The following ECT2 variants were observed in gnomAD, a reference collection of about 807,000 sequenced individuals.
The protein encoded by ECT2 is protein ECT2.
ECT2 carries 61 observed loss-of-function variants against 116.9 expected under a neutral mutation model. The ratio of observed to expected loss-of-function variants is 0.52; its 90% confidence interval spans 0.42 to 0.65. ECT2 has a LOEUF of 0.65. Among genes scored for constraint, ECT2 ranks in the 30% least tolerant of loss-of-function variants. The pLI is 0.00. For synonymous variants in ECT2, 358 were observed against 346.4 expected (o/e 1.03, Z -0.37); for missense variants, 937 against 1,078.7 (o/e 0.87, Z 1.84).
At chr3:172,796,376 C>T (rs533397761) in intron 18 of ECT2, 3 of 152,306 alleles carry the variant, frequency 2.0e-5, no homozygotes, top group South Asian at 4.1e-4. Flanking sequence ...TCTATGTTTA[C>T]AACGAGTTTT....
chr3:172,811,569 T>C (rs1728771148), intron 22 of ECT2, among the ~76,000 whole-genome samples: 1 of 152,134 alleles, frequency 6.6e-6, no homozygotes, highest in Non-Finnish European at 1.5e-5. Context: ...CATTTTTAGT[T>C]CATTGATGGT....
chr3:172,756,925 C>G (rs1388131941), intron 4 of ECT2, 58 bp from the exon 5 acceptor site: 4 of 1,393,762 alleles, frequency 2.9e-6, no homozygotes, highest in Non-Finnish European at 3.9e-6. Flanking sequence ...TTTAGAGAGA[C>G]AGATGGATTA....
chr3:172,781,159 A>C (rs1022508047), intron 14 of ECT2, among the ~76,000 whole-genome samples: 1 of 152,202 alleles, frequency 6.6e-6, no homozygotes, highest in African/African-American at 2.4e-5. Context: ...ATAATAGCTC[A>C]TTACATGGTA....
intron 22 of ECT2, among the ~76,000 whole-genome samples, chr3:172,813,746 C>T (rs574276028): frequency 1.3e-4 from 20 of 152,084 alleles, no homozygotes; most frequent in Non-Finnish European, 2.2e-4. Context: ...CCCATTACTG[C>T]ACTCTAAATG....
chr3:172,768,517 T>G (rs1719968588), intron 12 of ECT2, among the ~76,000 whole-genome samples: 1 of 152,226 alleles, frequency 6.6e-6, no homozygotes, highest in African/African-American at 2.4e-5. Flanking sequence ...TAGAGACATA[T>G]TTCTTAAATA....
chr3:172,799,019 A>G (rs971516261), intron 18 of ECT2, among the ~76,000 whole-genome samples: 2 of 152,322 alleles, frequency 1.3e-5, no homozygotes, highest in South Asian at 2.1e-4. Flanking sequence ...TCCTAGCCTC[A>G]AGAGGTTTTA....
chr3:172,811,256 C>G (rs1033874083), intron 22 of ECT2, among the ~76,000 whole-genome samples: 28 of 152,210 alleles, frequency 1.8e-4, no homozygotes, highest in African/African-American at 6.3e-4. Flanking sequence ...GAATGAATAA[C>G]AAATAAACCT....
In ECT2 at chr3:172,762,992, C is replaced by T; in HGVS notation, c.1068+20C>T. ...GAAAAGGTATGCTTTTAACCCCTTACTTATTTGTTCTGTGAGCTTGATTGT... is the reference window on the plus strand; with the variant it reads ...GAAAAGGTATGCTTTTAACCCCTTATTTATTTGTTCTGTGAGCTTGATTGT... On this transcript the variant is annotated intron_variant, in intron 11 of 24. Transcript: ENST00000392692. 4.3e-6 allele frequency: 7 copies of T among 1,610,526 alleles called. 1 individual carries two copies. Among genetic ancestry groups the T allele is most frequent in the South Asian group, 2.2e-5 (2 of 90,736 alleles).
chr3:172,815,907 C>T (rs1405791996), intron 23 of ECT2, among the ~76,000 whole-genome samples, 196 bp downstream of exon 23: 6 of 152,122 alleles, frequency 3.9e-5, no homozygotes, highest in Admixed American at 3.9e-4. Flanking sequence ...CTTGTTATCC[C>T]TCCCGTTACT....
rs57375749 is a variant in ECT2 at position 172,782,323 on chromosome 3, G to A, written c.1617+92G>A. ...GTGTAATTTGCCTATTTAAATGTGAGAGGTTTTAAAACTTTGATATGATTG... is the reference window on the plus strand; with the variant it reads ...GTGTAATTTGCCTATTTAAATGTGAAAGGTTTTAAAACTTTGATATGATTG... On this transcript the variant is annotated intron_variant, in intron 15 of 24. Transcript: ENST00000392692. 1,281 of 626,948 alleles carry A rather than the reference G, an allele frequency of 2.0e-3. 9 individuals carry two copies. The East Asian group carries it at 0.022, about 11-fold the overall frequency. The allele number at this position is 626,948 out of a possible 1,614,324, so 38.8% of individuals were successfully genotyped here. A position where few individuals can be genotyped will look rare whatever the true frequency, so the allele number is the denominator to read the frequency against.
intron 17 of ECT2, among the ~76,000 whole-genome samples, chr3:172,785,413 C>A (rs1723434489): frequency 6.6e-6 from 1 of 150,776 alleles, no homozygotes; most frequent in Non-Finnish European, 1.5e-5. Flanking sequence ...AGTATGAAAA[C>A]AAAATTATAG....
At chr3:172,797,948 T>C (rs1239056602) in intron 18 of ECT2, among the ~76,000 whole-genome samples, 3 of 152,220 alleles carry the variant, frequency 2.0e-5, no homozygotes, top group East Asian at 3.8e-4. Flanking sequence ...ACAAATGACC[T>C]GTGATCCTGT....
intron 24 of ECT2, among the ~76,000 whole-genome samples, chr3:172,819,933 C>T (rs1487227988): frequency 2.0e-5 from 3 of 152,016 alleles, no homozygotes; most frequent in Admixed American, 2.0e-4. Flanking sequence ...ACTAGTCTAG[C>T]TATTTGGCTT....
chr3:172,755,867 C>G (rs1445027412), intron 4 of ECT2, among the ~76,000 whole-genome samples: 2 of 152,134 alleles, frequency 1.3e-5, no homozygotes, highest in Admixed American at 1.3e-4. Context: ...TTTTAGTTTG[C>G]TAGGGCTGCC....
At chr3:172,820,109 G>A in intron 24 of ECT2, 39 bp from the exon 25 acceptor site, 1 of 1,510,300 alleles carries the variant, frequency 6.6e-7, no homozygotes, top group South Asian at 1.2e-5. Context: ...TTTTTTAAAG[G>A]AAAATTTAAA....
Position 172,757,133 on chromosome 3 carries a change from C to G in ECT2, c.454C>G (p.Pro152Ala). 2 of 1,533,728 alleles carry G rather than the reference C, an allele frequency of 1.3e-6. No individual in the cohort carries two copies. The highest frequency in any genetic ancestry group is 8.7e-7 in the Non-Finnish European group (1 of 1,146,420). ...GGCTGATTGTAGAGTTATTGGACCA[C>G]CAGTTGTATTAAATTGTTCACAAAA... ...YKADCRVIGP[P>A]VVLNCSQKGE... Residue 152 changes from proline to alanine, a missense_variant, in exon 5 of 25, where the codon CCA becomes GCA. Physicochemically the swap from Pro to Ala is conservative, Grantham distance 27 (BLOSUM62 -1). Coordinates refer to ENST00000392692, the MANE Select transcript of ECT2 (RefSeq NM_001258315.2).
At chr3:172,828,536 C>G in the ECT2 span, among the ~76,000 whole-genome samples, 1 of 151,504 alleles carries the variant, frequency 6.6e-6, no homozygotes. Flanking sequence ...TGTATTAAAC[C>G]AAGCCGACAG....
intron 13 of ECT2, among the ~76,000 whole-genome samples, chr3:172,773,598 A>G (rs1436956582): frequency 2.6e-5 from 4 of 152,234 alleles, no homozygotes; most frequent in African/African-American, 7.2e-5. Flanking sequence ...ACTTGAATAC[A>G]AAAGTAGAAA....
chr3:172,774,113 G>A, intron 14 of ECT2, 91 bp downstream of exon 14: 1 of 1,268,904 alleles, frequency 7.9e-7, no homozygotes, highest in Non-Finnish European at 1.1e-6. Flanking sequence ...AGCTAAATAA[G>A]TTTTGTACCT....
Sources: allele counts gnomAD v4.1 joint callset (sites outside exome capture counted in the v4.1 genomes callset), GRCh38; gene constraint gnomAD v4.1.1; transcripts MANE v1.5; gene names NCBI Gene and HGNC (gene_info 2026-07-23, HGNC 2026-07-21).